The following CELF2 variants were observed in gnomAD, a reference collection of about 807,000 sequenced individuals.
CELF2 encodes CUGBP Elav-like family member 2.
In CELF2, 8 loss-of-function variants were observed where a neutral mutation model predicts 62.6. That is an observed-to-expected ratio of 0.13 (90% confidence interval 0.07 to 0.23). The LOEUF (loss-of-function observed/expected upper bound fraction) is 0.23, where lower values mean the gene tolerates loss of function less well. Among genes scored for constraint, CELF2 ranks in the 10% least tolerant of loss-of-function variants. CELF2 has a pLI of 1.00. For synonymous variants in CELF2, 258 were observed against 250.0 expected (o/e 1.03, Z -0.30); for missense variants, 333 against 671.0 (o/e 0.50, Z 5.56).
At chr10:11,095,266 G>T (rs747968804) in intron 1 of CELF2, among the ~76,000 whole-genome samples, 1 of 152,160 alleles carries the variant, frequency 6.6e-6, no homozygotes, top group Admixed American at 6.5e-5. Flanking sequence ...ACATCAGCAG[G>T]CTACTAAGCA....
intron 1 of CELF2, among the ~76,000 whole-genome samples, chr10:11,124,019 G>A (rs374010381): frequency 1.3e-5 from 2 of 152,178 alleles, no homozygotes; most frequent in Non-Finnish European, 2.9e-5. Context: ...GCAAAGTCAC[G>A]TCTTACATGG....
the CELF2 span, among the ~76,000 whole-genome samples, chr10:10,708,335 C>T: frequency 2.5e-3 from 379 of 152,294 alleles, no homozygotes; most frequent in Non-Finnish European, 4.4e-3. Context: ...TGAATGGCTT[C>T]CCTGTAGTTC....
chr10:11,094,187 C>T (rs950779190), intron 1 of CELF2, among the ~76,000 whole-genome samples: 1 of 152,148 alleles, frequency 6.6e-6, no homozygotes, highest in African/African-American at 2.4e-5. Context: ...GACCTAGCTG[C>T]GTAACTGAAT....
chr10:11,324,800 T>A lies in CELF2; in HGVS notation c.1295-1036T>A, dbSNP rs999091882. Among the ~76,000 whole-genome samples, 1 of 152,156 alleles carries A rather than the reference T, an allele frequency of 6.6e-6. No individual in the cohort carries two copies. Among genetic ancestry groups the A allele is most frequent in the African/African-American group, 2.4e-5 (1 of 41,436 alleles). Reference sequence around the variant, plus strand: ...ACATCTAGGGACCCCAGTGCAGCTATCCCCTGGGGTTGCCTAGTTGGGCAG... The same window carrying A: ...ACATCTAGGGACCCCAGTGCAGCTAACCCCTGGGGTTGCCTAGTTGGGCAG... On this transcript the variant is annotated intron_variant, in intron 11 of 12. Transcript: ENST00000633077. This position sits in a 1 kb window ranked among gnomAD's most constrained non-coding sequence, Gnocchi z 4.7.
At chr10:10,846,649 C>A (rs548171178) in intron 1 of CELF2, among the ~76,000 whole-genome samples, 1 of 152,182 alleles carries the variant, frequency 6.6e-6, no homozygotes, top group Non-Finnish European at 1.5e-5. Context: ...CAATGTGAAG[C>A]ATGGAATGGC....
intron 1 of CELF2, among the ~76,000 whole-genome samples, chr10:11,133,019 A>G (rs1476752083): frequency 6.6e-6 from 1 of 152,196 alleles, no homozygotes; most frequent in Non-Finnish European, 1.5e-5. Context: ...TGAAAATTCC[A>G]TTGATTAAAT....
At chr10:10,539,618 C>T in the CELF2 span, among the ~76,000 whole-genome samples, 1 of 152,168 alleles carries the variant, frequency 6.6e-6, no homozygotes, top group Non-Finnish European at 1.5e-5. Flanking sequence ...AAACAGAAAA[C>T]TCTAAAACTC....
chr10:10,493,597 T>C, the CELF2 span, among the ~76,000 whole-genome samples: 2 of 151,502 alleles, frequency 1.3e-5, no homozygotes, highest in African/African-American at 4.8e-5. Context: ...AGTGGCATGA[T>C]CTAGGCTCAC....
intron 5 of CELF2, among the ~76,000 whole-genome samples, chr10:11,258,686 T>A (rs2079533169): frequency 6.6e-6 from 1 of 152,094 alleles, no homozygotes; most frequent in Admixed American, 6.5e-5. Flanking sequence ...AAGGTGGAAA[T>A]GTATATATAA....
At chr10:10,483,804 C>T in the CELF2 span, among the ~76,000 whole-genome samples, 1 of 152,038 alleles carries the variant, frequency 6.6e-6, no homozygotes, top group African/African-American at 2.4e-5. Flanking sequence ...TAATCCTTAA[C>T]TCTACAAGTT....
intron 1 of CELF2, among the ~76,000 whole-genome samples, chr10:10,892,829 A>C (rs1415730258): frequency 6.6e-6 from 1 of 152,250 alleles, no homozygotes; most frequent in Non-Finnish European, 1.5e-5. Context: ...GAGAAAGCAC[A>C]CAGAGATGAT....
the CELF2 span, among the ~76,000 whole-genome samples, chr10:10,777,737 C>A: frequency 6.6e-6 from 1 of 152,256 alleles, no homozygotes; most frequent in Non-Finnish European, 1.5e-5. Flanking sequence ...CTACACTAGC[C>A]CCCTTTGCCT....
At chr10:10,949,655 G>T (rs139374731) in intron 2 of CELF2, among the ~76,000 whole-genome samples, 38 of 151,410 alleles carry the variant, frequency 2.5e-4, no homozygotes, top group African/African-American at 8.0e-4. Context: ...AAAAAAATTA[G>T]CCAGGCTTGG....
chr10:11,144,900 G>GAAAA lies in CELF2; in HGVS notation c.75-20566_75-20563dup, dbSNP rs397846995. On this transcript the variant is annotated intron_variant, in intron 1 of 12. Transcript: ENST00000633077. ...GAGGGAGACCCTGTCTCAGGAAACA[G>GAAAA]AAAAAAAAAAAAAAAAAAAAAAAGG... Among the ~76,000 whole-genome samples the GAAAA allele has an allele frequency of 5.6e-3, 414 of 74,080 alleles. 11 individuals carry two copies. The highest frequency in any genetic ancestry group is 0.021 in the African/African-American group (387 of 18,820). The allele number at this position is 74,080 out of a possible 152,430, so 48.6% of individuals were successfully genotyped here.
At chr10:10,500,120 G>T in the CELF2 span, among the ~76,000 whole-genome samples, 1 of 151,912 alleles carries the variant, frequency 6.6e-6, no homozygotes. Flanking sequence ...GTCTCATTTG[G>T]GCACTAAATA....
intron 8 of CELF2, among the ~76,000 whole-genome samples, chr10:11,279,350 G>A (rs1447551789): frequency 6.6e-6 from 1 of 152,176 alleles, no homozygotes; most frequent in Non-Finnish European, 1.5e-5. Flanking sequence ...ATCAACTTGA[G>A]ATCTGTTCTC....
rs934851152 is a variant in CELF2 at position 11,165,011 on chromosome 10, CTCT to C, written c.75-472_75-470del. The C allele has an allele frequency of 5.2e-6, 5 of 967,040 alleles. No homozygotes were observed. The highest frequency in any genetic ancestry group is 1.2e-4 in the Admixed American group (2 of 16,476). 59.9% of individuals were successfully genotyped at this position (967,040 alleles called of 1,614,324 possible). A position where few individuals can be genotyped will look rare whatever the true frequency, so the allele number is the denominator to read the frequency against. Reference sequence around the variant, plus strand: ...ACTTTATTATTACCACCTCTCTCCTCTCTTCCAAAAACCTCCCAAAAAGGGCGG... The same window carrying C: ...ACTTTATTATTACCACCTCTCTCCTCTCCAAAAACCTCCCAAAAAGGGCGG... On this transcript the variant is annotated intron_variant, in intron 1 of 12. Coordinates refer to ENST00000633077, the MANE Select transcript of CELF2 (RefSeq NM_001326342.2). The surrounding 1 kb of genome is among the most constrained non-coding windows in gnomAD (Gnocchi z 7.4).
chr10:10,639,581 A>G, the CELF2 span, among the ~76,000 whole-genome samples: 1 of 152,302 alleles, frequency 6.6e-6, no homozygotes, highest in East Asian at 1.9e-4. Context: ...GGAATAAGTA[A>G]ATTTTAATTG....
In CELF2 at chr10:11,323,424, A is replaced by AATAATAATAAT. The variant is rs2095549203; in HGVS notation, c.1294+2039_1294+2040insTAATAATAATA. 3.5e-5 allele frequency among the ~76,000 whole-genome samples: 5 copies of AATAATAATAAT among 141,644 alleles called. No homozygotes were observed. The East Asian group carries it at 1.0e-3, about 29-fold the overall frequency. 92.9% of individuals were successfully genotyped at this position (141,644 alleles called of 152,430 possible). On this transcript the variant is annotated intron_variant, in intron 11 of 12. Transcript: ENST00000633077. The stretch of plus-strand genomic sequence containing the variant: ...AAGCAAATGATGCCAGGCAGAGCAA[A>AATAATAATAAT]AATAATAATAATAATAATAATAATA...
Sources: gnomAD v4.1 joint callset for allele counts (sites outside exome capture counted in the v4.1 genomes callset) on GRCh38, gnomAD v4.1.1 for gene constraint, Gnocchi (gnomAD v3.1) non-coding constraint, MANE v1.5 for transcripts, NCBI Gene and HGNC (gene_info 2026-07-23, HGNC 2026-07-21) for gene names.